The following CCDC144A variants were observed in gnomAD, a reference collection of about 807,000 sequenced individuals.
The protein encoded by CCDC144A is coiled-coil domain containing 144A.
Under a neutral mutation model 143.8 loss-of-function variants are expected in CCDC144A, and 41 were observed. That is an observed-to-expected ratio of 0.29 (90% CI 0.22 to 0.37). CCDC144A has a LOEUF of 0.37. Ranked by LOEUF, CCDC144A falls within the 10% of genes least tolerant of loss-of-function variation. CCDC144A has a pLI of 1.00. For missense variants in CCDC144A, 637 were observed against 1,488.8 expected, an observed-to-expected ratio of 0.43 and a Z score of 9.41; for synonymous variants, 242 against 517.9, an observed-to-expected ratio of 0.47 and a Z score of 7.23.
chr17:16,754,238 T>C (rs1484666253), intron 12 of CCDC144A, among the ~76,000 whole-genome samples: 1 of 152,276 alleles, frequency 6.6e-6, no homozygotes, highest in Non-Finnish European at 1.5e-5. Flanking sequence ...AGTTTTGCTT[T>C]ATTAGTCTAC....
chr17:16,748,349 T>C (rs984766171), intron 12 of CCDC144A, among the ~76,000 whole-genome samples: 7 of 152,252 alleles, frequency 4.6e-5, no homozygotes, highest in Non-Finnish European at 1.0e-4. Flanking sequence ...TTTGAGTTGA[T>C]CATATGGTTT....
At chr17:16,754,911 A>G (rs1915002074) in intron 12 of CCDC144A, among the ~76,000 whole-genome samples, 2 of 152,206 alleles carry the variant, frequency 1.3e-5, no homozygotes, top group Admixed American at 6.5e-5. Flanking sequence ...GTGCTCAGGT[A>G]TTGAGTATAT....
At chr17:16,740,050 T>TG (rs1343620981) in intron 12 of CCDC144A, among the ~76,000 whole-genome samples, 2 of 152,084 alleles carry the variant, frequency 1.3e-5, no homozygotes, top group African/African-American at 4.8e-5. Flanking sequence ...CATCAAATCT[T>TG]GGTCACAGGA....
At chr17:16,725,002 A>AT (rs1167527388) in intron 8 of CCDC144A, among the ~76,000 whole-genome samples, 2,847 of 37,246 alleles carry the variant, frequency 0.076, 440 homozygotes, top group East Asian at 0.11. Flanking sequence ...ATAGCTGGTA[A>AT]TTTTTTTTTT....
the CCDC144A span, chr17:16,683,579 G>C: frequency 3.5e-5 from 57 of 1,609,548 alleles, no homozygotes; most frequent in Non-Finnish European, 4.6e-5. Flanking sequence ...GCAAAGCACA[G>C]GTGGACCGGT....
chr17:16,757,725 G>T (rs1274536927), intron 12 of CCDC144A, among the ~76,000 whole-genome samples: 2 of 152,262 alleles, frequency 1.3e-5, no homozygotes, highest in Non-Finnish European at 2.9e-5. Context: ...CACTGCCCCT[G>T]AAGGGGATAG....
intron 12 of CCDC144A, chr17:16,745,525 A>G: frequency 1.6e-6 from 2 of 1,225,840 alleles, no homozygotes; most frequent in Non-Finnish European, 2.3e-6. Flanking sequence ...TTTAGCTTCC[A>G]GTTTCCTGGT....
intron 6 of CCDC144A, among the ~76,000 whole-genome samples, chr17:16,716,587 A>C (rs1912765078): frequency 6.6e-6 from 1 of 152,222 alleles, no homozygotes; most frequent in African/African-American, 2.4e-5. Context: ...TTTTTGAACA[A>C]TATATAATGA....
At chr17:16,772,304 G>A (rs1354653415) in intron 16 of CCDC144A, among the ~76,000 whole-genome samples, 1 of 152,106 alleles carries the variant, frequency 6.6e-6, no homozygotes, top group Non-Finnish European at 1.5e-5. Context: ...ACACAGAAAC[G>A]GTTCTCAGAA....
intron 12 of CCDC144A, among the ~76,000 whole-genome samples, chr17:16,752,535 C>T (rs1169657302): frequency 2.8e-5 from 4 of 145,394 alleles, no homozygotes; most frequent in African/African-American, 7.7e-5. Flanking sequence ...TGCTTGAATC[C>T]GGGGGGTATT....
intron 12 of CCDC144A, chr17:16,737,701 C>A (rs1914087342): frequency 8.6e-7 from 1 of 1,159,902 alleles, no homozygotes; most frequent in African/African-American, 1.6e-5. Flanking sequence ...AACATGTCAA[C>A]AGTTAATCTA....
chr17:16,767,796 A>T (rs1481562254), intron 15 of CCDC144A, among the ~76,000 whole-genome samples: 5 of 152,252 alleles, frequency 3.3e-5, no homozygotes, highest in Admixed American at 2.6e-4. Context: ...TGGTTGTTGA[A>T]ACAAGTTTTC....
rs754536938 is a variant in CCDC144A at position 16,709,220 on chromosome 17, G to A, written c.1163G>A (p.Cys388Tyr). The part of the protein sequence containing the change: ...HPYSGSQEHV[C>Y]QSSSKFHLHE... Reference sequence around the variant, plus strand: ...TACTCTGGGTCCCAGGAACATGTTTGCCAGTCATCTTCTAAGTTTCATTTA... The same window carrying A: ...TACTCTGGGTCCCAGGAACATGTTTACCAGTCATCTTCTAAGTTTCATTTA... The change falls in exon 5 of 17, where the codon TGC (cysteine) becomes TAC (tyrosine). Residue 388 changes from cysteine to tyrosine, a missense_variant. By Grantham distance (194) the Cys-to-Tyr change is radical. Transcript: ENST00000399273. 1 of 1,611,676 alleles carries A rather than the reference G, an allele frequency of 6.2e-7. No individual in the cohort carries two copies. The highest frequency in any genetic ancestry group is 1.1e-5 in the South Asian group (1 of 90,980).
intron 12 of CCDC144A, among the ~76,000 whole-genome samples, chr17:16,753,402 A>G (rs1165506543): frequency 7.1e-6 from 1 of 141,622 alleles, no homozygotes; most frequent in Admixed American, 7.0e-5. Flanking sequence ...TGTGTCCTCT[A>G]CAATTTCTTT....
chr17:16,681,329 A>G, the CCDC144A span, among the ~76,000 whole-genome samples: 9 of 152,192 alleles, frequency 5.9e-5, no homozygotes, highest in East Asian at 1.5e-3. Context: ...AAACAAATGG[A>G]AATCTCTTGA....
chr17:16,777,753 A>G lies in CCDC144A; in HGVS notation c.*4120A>G, dbSNP rs1165802403. 7.9e-5 allele frequency: 11 copies of G among 139,762 alleles called. No homozygotes were observed. The highest frequency in any genetic ancestry group is 3.2e-3 in the Middle Eastern group (1 of 312). 8.7% of individuals were successfully genotyped at this position (139,762 alleles called of 1,614,324 possible). A position where few individuals can be genotyped will look rare whatever the true frequency, so the allele number is the denominator to read the frequency against. On this transcript the variant is annotated 3_prime_UTR_variant, in exon 17 of 17. Transcript: ENST00000399273. ...ATTCATAGCATTAAATGCCTATATC[A>G]AAAAGTCTGAAAGAGCACAAATAAA...
upstream of CCDC144A, among the ~76,000 whole-genome samples, chr17:16,684,633 A>G (rs1910716060): frequency 6.6e-6 from 1 of 151,484 alleles, no homozygotes; most frequent in Non-Finnish European, 1.5e-5. Context: ...CAGCCTGAGC[A>G]ACGATATGAG....
rs1184166180 is a variant in CCDC144A, at chr17:16,711,893, G to A, written c.1715+78G>A. 4 of 1,517,768 alleles carry A rather than the reference G, an allele frequency of 2.6e-6. No homozygotes were observed. In the African/African-American group the frequency reaches 5.5e-5, roughly 21 times the overall value. The allele number at this position is 1,517,768 out of a possible 1,614,324, so 94.0% of individuals were successfully genotyped here. The stretch of plus-strand genomic sequence containing the variant: ...ACGCCTGTAATCCAGCAATTTGGGA[G>A]GCCAAGGCGGGTGAATCACCTGAGG... On this transcript the variant is annotated intron_variant, in intron 6 of 16. Transcript: ENST00000399273.
At chr17:16,716,849 T>C (rs1446693042) in intron 6 of CCDC144A, among the ~76,000 whole-genome samples, 1 of 148,598 alleles carries the variant, frequency 6.7e-6, no homozygotes, top group South Asian at 2.2e-4. Flanking sequence ...AGTCTCGCTC[T>C]GTCGCCCAGG....
Sources: allele counts gnomAD v4.1 joint callset (sites outside exome capture counted in the v4.1 genomes callset), GRCh38; gene constraint gnomAD v4.1.1; transcripts MANE v1.5; gene names NCBI Gene and HGNC (gene_info 2026-07-23, HGNC 2026-07-21).